GRID2: variants seen among roughly 807,000 people sequenced by gnomAD.
GRID2 encodes glutamate ionotropic receptor delta type subunit 2, also known as glutamate receptor ionotropic, delta-2.
A neutral mutation model predicts 114.8 loss-of-function variants in GRID2; 33 were observed. The ratio of observed to expected loss-of-function variants is 0.29; its 90% CI spans 0.22 to 0.38. GRID2 has a LOEUF of 0.38. GRID2 is among the 10% of genes least tolerant of loss of function. The pLI, the probability that GRID2 is intolerant of heterozygous loss-of-function variation, is 1.00. For missense variants in GRID2, 1,184 were observed against 1,257.7 expected, an observed-to-expected ratio of 0.94 and a Z score of 0.89; for synonymous variants, 505 against 449.9, an observed-to-expected ratio of 1.12 and a Z score of -1.55.
intron 4 of GRID2, among the ~76,000 whole-genome samples, chr4:93,141,673 T>A (rs1735780895): frequency 6.6e-6 from 1 of 152,244 alleles, no homozygotes; most frequent in Non-Finnish European, 1.5e-5. Flanking sequence ...ATAGTCTGGA[T>A]CTATTTATCT....
intron 14 of GRID2, among the ~76,000 whole-genome samples, chr4:93,724,184 A>C (rs1045667448): frequency 2.6e-5 from 4 of 152,190 alleles, no homozygotes; most frequent in Non-Finnish European, 5.9e-5. Flanking sequence ...AAAAGGACAA[A>C]TACTCCTGAT....
chr4:92,524,787 G>A (rs939219623), intron 1 of GRID2, among the ~76,000 whole-genome samples: 3 of 151,944 alleles, frequency 2.0e-5, no homozygotes, highest in African/African-American at 7.2e-5. Flanking sequence ...GAATTAGGAG[G>A]TAGATACCTT....
chr4:92,652,832 T>G (rs1396933418), intron 2 of GRID2, among the ~76,000 whole-genome samples: 1 of 136,876 alleles, frequency 7.3e-6, no homozygotes, highest in East Asian at 2.2e-4. Flanking sequence ...TAAATATATA[T>G]AAATTTATAA....
At chr4:92,868,036 C>CTTTA in intron 2 of GRID2, among the ~76,000 whole-genome samples, 1 of 130,482 alleles carries the variant, frequency 7.7e-6, no homozygotes, top group South Asian at 2.8e-4. Flanking sequence ...TTCTTTCTTT[C>CTTTA]TTTCTTTCTT....
At chr4:92,877,933 C>A (rs1745749830) in intron 2 of GRID2, among the ~76,000 whole-genome samples, 1 of 152,018 alleles carries the variant, frequency 6.6e-6, no homozygotes, top group African/African-American at 2.4e-5. Flanking sequence ...AGTTGGAGAC[C>A]AGAAAAGAAA....
In GRID2 at chr4:92,411,624, C is replaced by CGTGT. The variant is rs1731305671; in HGVS notation, c.88+106880_88+106881insGTGT. Among the ~76,000 whole-genome samples the CGTGT allele has an allele frequency of 8.8e-5, 8 of 90,902 alleles. No individual in the cohort carries two copies. In the South Asian group the frequency reaches 1.1e-3, roughly 12 times the overall value. 59.6% of individuals were successfully genotyped at this position (90,902 alleles called of 152,430 possible). A position where few individuals can be genotyped will look rare whatever the true frequency, so the allele number is the denominator to read the frequency against. ...TGTGCATTATATATAGATATATATG[C>CGTGT]ATGTGTGTGTGTGTGTGTGTGTGTG... On this transcript the variant is annotated intron_variant, in intron 1 of 15. Coordinates refer to ENST00000282020, the MANE Select transcript of GRID2 (RefSeq NM_001510.4).
chr4:92,389,432 T>A (rs1026081650), intron 1 of GRID2, among the ~76,000 whole-genome samples: 7 of 152,080 alleles, frequency 4.6e-5, no homozygotes, highest in Non-Finnish European at 7.4e-5. Context: ...TGTGACCACC[T>A]TTTCTGAAAG....
chr4:92,954,369 A>G (rs984601885), intron 2 of GRID2, among the ~76,000 whole-genome samples: 2 of 152,156 alleles, frequency 1.3e-5, no homozygotes, highest in Non-Finnish European at 2.9e-5. Context: ...TGAAGTAGGT[A>G]GACTGGGGGA....
intron 1 of GRID2, among the ~76,000 whole-genome samples, chr4:93,798,358 C>T (rs1449402217): frequency 6.6e-6 from 1 of 152,016 alleles, no homozygotes; most frequent in Non-Finnish European, 1.5e-5. Flanking sequence ...TGAAGAGACT[C>T]TCCCTTCAGC....
rs139524747 is a variant in GRID2, at chr4:92,654,231, C to T, written c.244+63945C>T. Among the ~76,000 whole-genome samples, 107 of 152,076 alleles carry T rather than the reference C, an allele frequency of 7.0e-4. 1 individual carries two copies. The highest frequency in any genetic ancestry group is 2.3e-3 in the African/African-American group (94 of 41,538). ...TGGTGAGGGCCCACTTCCTGACTCT[C>T]CTATCCTCACATGGCAGAAAGAACA... On this transcript the variant is annotated intron_variant, in intron 2 of 15. Coordinates refer to ENST00000282020, the MANE Select transcript of GRID2 (RefSeq NM_001510.4).
intron 2 of GRID2, among the ~76,000 whole-genome samples, chr4:92,669,159 C>G (rs1447653074): frequency 1.3e-5 from 2 of 151,510 alleles, no homozygotes; most frequent in African/African-American, 4.8e-5. Flanking sequence ...AATTAAAGGG[C>G]AAAAAAATAA....
intron 2 of GRID2, among the ~76,000 whole-genome samples, chr4:92,862,402 CTTTTT>C (rs766858469): frequency 6.6e-6 from 1 of 151,810 alleles, no homozygotes; most frequent in Non-Finnish European, 1.5e-5. Context: ...TGGGTGTAAT[CTTTTT>C]TTTATTTTCT....
chr4:93,246,354 G>A (rs1748199771), intron 8 of GRID2, among the ~76,000 whole-genome samples: 1 of 152,040 alleles, frequency 6.6e-6, no homozygotes, highest in African/African-American at 2.4e-5. Flanking sequence ...TTGGGAGGCC[G>A]AAGCAGGTGG....
At chr4:93,146,817 AAT>A (rs1430016094) in intron 4 of GRID2, among the ~76,000 whole-genome samples, 5 of 152,154 alleles carry the variant, frequency 3.3e-5, no homozygotes, top group African/African-American at 1.2e-4. Context: ...GACATCATTC[AAT>A]ATGTTTCATT....
intron 2 of GRID2, among the ~76,000 whole-genome samples, chr4:93,042,299 C>CTCTATA (rs1322225581): frequency 4.3e-4 from 44 of 102,648 alleles, no homozygotes; most frequent in Admixed American, 4.4e-4. Context: ...CTCTCTCTCT[C>CTCTATA]TATATATATA....
intron 1 of GRID2, among the ~76,000 whole-genome samples, chr4:92,550,296 A>G (rs1005727808): frequency 6.6e-6 from 1 of 152,190 alleles, no homozygotes; most frequent in Non-Finnish European, 1.5e-5. Context: ...TATAAGCAAC[A>G]TCTGTGAAGT....
At chr4:92,706,556 G>T (rs1479417747) in intron 2 of GRID2, among the ~76,000 whole-genome samples, 1 of 152,038 alleles carries the variant, frequency 6.6e-6, no homozygotes, top group African/African-American at 2.4e-5. Flanking sequence ...GTCCTCTAGG[G>T]GTGTTTTGGT....
chr4:93,554,639 A>ACACCCAGGCTGGAGTGC (rs1560747041), intron 13 of GRID2, among the ~76,000 whole-genome samples: 1 of 152,038 alleles, frequency 6.6e-6, no homozygotes, highest in Admixed American at 6.6e-5. Flanking sequence ...TCTCACTCTG[A>ACACCCAGGCTGGAGTGC]CACCCAGGCT....
chr4:92,749,317 T>A (rs951762045), intron 2 of GRID2, among the ~76,000 whole-genome samples: 1 of 138,430 alleles, frequency 7.2e-6, no homozygotes, highest in African/African-American at 2.7e-5. Flanking sequence ...TAGCTTTTTT[T>A]TTTTTTTTTT....
Sources: allele counts gnomAD v4.1 joint callset (sites outside exome capture counted in the v4.1 genomes callset), GRCh38; gene constraint gnomAD v4.1.1; transcripts MANE v1.5; gene names NCBI Gene and HGNC (gene_info 2026-07-23, HGNC 2026-07-21).